SYNE1: variants seen among roughly 807,000 people sequenced by gnomAD.
The protein encoded by SYNE1 is spectrin repeat containing nuclear envelope protein 1, also known as nesprin-1.
Under a neutral mutation model 1,111.0 loss-of-function variants are expected in SYNE1, and 616 were observed. That is an observed-to-expected ratio of 0.55 (90% CI 0.52 to 0.59). SYNE1 has a LOEUF of 0.59. SYNE1 is among the 20% of genes least tolerant of loss of function. The pLI is 0.00. For synonymous variants in SYNE1, 3,855 were observed against 3,825.8 expected, an observed-to-expected ratio of 1.01 and a Z score of -0.28; for missense variants, 10,006 against 10,417.0, an observed-to-expected ratio of 0.96 and a Z score of 1.72.
intron 128 of SYNE1, among the ~76,000 whole-genome samples, chr6:152,187,365 C>T (rs1175738972): frequency 6.6e-6 from 1 of 152,108 alleles, no homozygotes; most frequent in African/African-American, 2.4e-5. Flanking sequence ...GCCTCTTAAA[C>T]TCTGTTTAAT....
Position 152,273,719 on chromosome 6 carries a change from G to A in SYNE1, c.18573+4370C>T, listed in dbSNP as rs1562687434. Among the ~76,000 whole-genome samples, 3 of 152,324 alleles carry A rather than the reference G, an allele frequency of 2.0e-5. No individual in the cohort carries two copies. The East Asian group carries it at 5.8e-4, about 29-fold the overall frequency. ...ATCTCTTGAAAAACTAGAAGATCCAGCAATGCCACTTGTAAATTCTTGTGT... is the reference window on the plus strand; with the variant it reads ...ATCTCTTGAAAAACTAGAAGATCCAACAATGCCACTTGTAAATTCTTGTGT... On this transcript the variant is annotated intron_variant, in intron 98 of 145. Transcript: ENST00000367255.
chr6:152,636,176 C>T (rs115351557), intron 2 of SYNE1, among the ~76,000 whole-genome samples: 4,564 of 152,196 alleles, frequency 0.03, 243 homozygotes, highest in African/African-American at 0.11. Context: ...CCAGGGCCTC[C>T]GCGCAGCCTT....
intron 47 of SYNE1, 88 bp from the exon 48 acceptor site, chr6:152,399,911 A>T (rs1369405186): frequency 7.0e-7 from 1 of 1,429,148 alleles, no homozygotes; most frequent in Non-Finnish European, 9.8e-7. Flanking sequence ...TTACAATCTG[A>T]AATTGACATT....
intron 10 of SYNE1, among the ~76,000 whole-genome samples, chr6:152,500,825 C>CCTGT (rs1333377692): frequency 6.6e-6 from 1 of 151,800 alleles, no homozygotes; most frequent in Non-Finnish European, 1.5e-5. Context: ...GTGGCGGGCG[C>CCTGT]CTGTAGTCCC....
intron 95 of SYNE1, among the ~76,000 whole-genome samples, 190 bp from the exon 96 acceptor site, chr6:152,284,362 G>A (rs542664523): frequency 6.6e-5 from 10 of 152,276 alleles, no homozygotes; most frequent in African/African-American, 2.2e-4. Flanking sequence ...CTGATTTTAT[G>A]TATGTATCAC....
chr6:152,310,257 C>A, intron 89 of SYNE1, 139 bp downstream of exon 89: 3 of 1,327,078 alleles, frequency 2.3e-6, no homozygotes, highest in African/African-American at 1.5e-5. Flanking sequence ...GCCTGGCCAA[C>A]ATAGGGATAC....
At position 152,143,733 on chromosome 6, in the gene SYNE1, G is replaced by A. The variant is rs797046025; in HGVS notation, c.25009C>T (p.Gln8337Ter). The change falls in exon 138 of 146, where the codon CAA becomes TAA. Residue 8337 changes from glutamine (Q) to a stop codon, truncating the protein, a stop_gained. Transcript: ENST00000367255. LOFTEE classifies it high-confidence loss of function. ...DHSALESQIR[Q>*]LGKALDDSRF... The stretch of plus-strand genomic sequence containing the variant: ...CTATCATCCAGGGCTTTGCCCAGTT[G>A]TCGGATCTGTGACTCTAGGGCACTG... The A allele has an allele frequency of 1.2e-6, 2 of 1,614,046 alleles. No homozygotes were observed. The highest frequency in any genetic ancestry group is 1.3e-5 in the African/African-American group (1 of 74,922).
intron 107 of SYNE1, 127 bp from the exon 108 acceptor site, chr6:152,239,833 T>A: frequency 1.0e-6 from 1 of 975,736 alleles, no homozygotes; most frequent in Non-Finnish European, 1.6e-6. Context: ...CTGAAGTGGG[T>A]GGATTACCTG....
At chr6:152,566,179 G>A (rs2099412812) in intron 3 of SYNE1, among the ~76,000 whole-genome samples, 1 of 152,108 alleles carries the variant, frequency 6.6e-6, no homozygotes, top group Admixed American at 6.6e-5. Flanking sequence ...TGAACCTGGG[G>A]TGTGTGTGAA....
chr6:152,448,741 C>T (rs1479311943), intron 28 of SYNE1, among the ~76,000 whole-genome samples: 1 of 152,098 alleles, frequency 6.6e-6, no homozygotes, highest in African/African-American at 2.4e-5. Flanking sequence ...ACTCAAGAGG[C>T]TGAGGTGGGA....
In SYNE1 at chr6:152,149,674, G is replaced by A. The variant is rs181193323; in HGVS notation, c.24451-6C>T. Reference sequence around the variant, plus strand: ...GAAATTTCCTGCTGGAAGGCCTAGGGAGTACAAATCTCATGTGATTTTGCT... The same window carrying A: ...GAAATTTCCTGCTGGAAGGCCTAGGAAGTACAAATCTCATGTGATTTTGCT... On this transcript the variant is annotated splice_polypyrimidine_tract_variant and splice_region_variant and intron_variant, in intron 135 of 145. Transcript: ENST00000367255. The A allele has an allele frequency of 6.2e-7, 1 of 1,613,108 alleles. No individual in the cohort carries two copies. The highest frequency in any genetic ancestry group is 8.5e-7 in the Non-Finnish European group (1 of 1,179,428).
chr6:152,618,250 C>A (rs969718238), intron 3 of SYNE1, among the ~76,000 whole-genome samples: 14 of 152,096 alleles, frequency 9.2e-5, no homozygotes, highest in Non-Finnish European at 1.9e-4. Flanking sequence ...CTGTGAGAAG[C>A]CCCAGAAAAG....
In SYNE1 at chr6:152,155,223, T is replaced by C. The variant is rs1462542608; in HGVS notation, c.23979-181A>G. The C allele has an allele frequency of 8.0e-6, 5 of 627,950 alleles. No homozygotes were observed. The African/African-American group carries it at 9.2e-5, about 12-fold the overall frequency. 38.9% of individuals were successfully genotyped at this position (627,950 alleles called of 1,614,324 possible). On this transcript the variant is annotated intron_variant, in intron 132 of 145. Transcript: ENST00000367255. ...AGAGAGACAACTGCTTGAGCTAAAA[T>C]AAAACGGCTGTTTTATTTTTTTAAA...
intron 3 of SYNE1, among the ~76,000 whole-genome samples, chr6:152,556,566 C>T (rs1165548075): frequency 6.6e-6 from 1 of 152,170 alleles, no homozygotes; most frequent in African/African-American, 2.4e-5. Flanking sequence ...TTTCTGTGGA[C>T]TCAGGTTTTA....
At chr6:152,197,243 G>T (rs560664828) in intron 127 of SYNE1, among the ~76,000 whole-genome samples, 1 of 152,200 alleles carries the variant, frequency 6.6e-6, no homozygotes, top group Admixed American at 6.5e-5. Context: ...TTGCTCACCT[G>T]ATTTTTTATT....
Position 152,122,189 on chromosome 6 carries a change from A to C in SYNE1, c.*247T>G. The C allele has an allele frequency of 1.8e-6, 1 of 569,308 alleles. No individual in the cohort carries two copies. The highest frequency in any genetic ancestry group is 2.0e-5 in the South Asian group (1 of 50,790). The allele number at this position is 569,308 out of a possible 1,614,324, so 35.3% of individuals were successfully genotyped here. ...TTGGAGGTCCTTACTCAATCTCCTT[A>C]GTGCTAAGGTTCAGAGTCTCAAACC... On this transcript the variant is annotated 3_prime_UTR_variant, in exon 146 of 146. Coordinates refer to ENST00000367255, the MANE Select transcript of SYNE1 (RefSeq NM_182961.4).
chr6:152,614,899 A>G (rs1744393), intron 3 of SYNE1, among the ~76,000 whole-genome samples: 108,827 of 152,060 alleles, frequency 0.72, 39,038 homozygotes, highest in East Asian at 0.81. Flanking sequence ...ACCAAATACC[A>G]AATGTTCTCA....
intron 4 of SYNE1, among the ~76,000 whole-genome samples, chr6:152,537,026 A>T (rs1302984167): frequency 6.6e-6 from 1 of 152,164 alleles, no homozygotes; most frequent in Non-Finnish European, 1.5e-5. Context: ...TTGAAAAACC[A>T]TCACTAAAAA....
intron 64 of SYNE1, 127 bp from the exon 65 acceptor site, chr6:152,359,585 C>T: frequency 8.7e-7 from 1 of 1,143,272 alleles, no homozygotes; most frequent in Non-Finnish European, 1.3e-6. Flanking sequence ...GTCCACTCCT[C>T]CATCATTTTA....
Sources: gnomAD v4.1 joint callset for allele counts (sites outside exome capture counted in the v4.1 genomes callset) on GRCh38, gnomAD v4.1.1 for gene constraint, MANE v1.5 for transcripts, NCBI Gene and HGNC (gene_info 2026-07-23, HGNC 2026-07-21) for gene names.